IFTAP: variants seen among roughly 807,000 people sequenced by gnomAD.
IFTAP encodes intraflagellar transport associated protein, also known as intraflagellar transport-associated protein.
Under a neutral mutation model 19.4 loss-of-function variants are expected in IFTAP, and 19 were observed. The ratio of observed to expected loss-of-function variants is 0.98; its 90% CI spans 0.68 to 1.44. The LOEUF (loss-of-function observed/expected upper bound fraction) is 1.44, where lower values mean the gene tolerates loss of function less well. Ranked by LOEUF, IFTAP falls within the 40% of genes most tolerant of loss-of-function variation. The probability of loss-of-function intolerance (pLI) is 0.00; values close to 1 mark genes in which losing one functional copy is unlikely to be tolerated. For synonymous variants in IFTAP, 85 were observed against 83.5 expected (o/e 1.02, Z -0.10); for missense variants, 240 against 253.6 (o/e 0.95, Z 0.36).
Position 36,594,551 on chromosome 11 carries a change from G to T in IFTAP, c.-65G>T. 1 of 260,748 alleles carries T rather than the reference G, an allele frequency of 3.8e-6. No individual in the cohort carries two copies. The highest frequency in any genetic ancestry group is 9.4e-5 in the East Asian group (1 of 10,664). 16.2% of individuals were successfully genotyped at this position (260,748 alleles called of 1,614,324 possible). On this transcript the variant is annotated 5_prime_UTR_variant, in exon 1 of 6. In the 5' UTR this introduces an upstream ATG that the reference lacks. Coordinates refer to ENST00000334307, the MANE Select transcript of IFTAP (RefSeq NM_138787.4). ...AATCTGTCTTTGTTGCTCTGGGAGA[G>T]GGGACTCCTGGAATGTGTCTGTGAA...
chr11:36,646,848 T>C (rs114235041), intron 4 of IFTAP, among the ~76,000 whole-genome samples: 1,873 of 152,272 alleles, frequency 0.012, 32 homozygotes, highest in African/African-American at 0.043. Flanking sequence ...TTATTATTGT[T>C]TTTATTTCTG....
chr11:36,620,248 C>T (rs1852243931), intron 2 of IFTAP, among the ~76,000 whole-genome samples: 1 of 151,868 alleles, frequency 6.6e-6, no homozygotes, highest in Non-Finnish European at 1.5e-5. Context: ...TCACATAGAA[C>T]ACTGAAGGAA....
chr11:36,650,801 C>T (rs866998610), intron 5 of IFTAP, among the ~76,000 whole-genome samples: 8 of 151,838 alleles, frequency 5.3e-5, no homozygotes, highest in South Asian at 2.1e-4. Context: ...TGAGAACATG[C>T]GGTGTTTGGT....
At chr11:36,632,560 T>G (rs187461525) in intron 2 of IFTAP, among the ~76,000 whole-genome samples, 1 of 151,386 alleles carries the variant, frequency 6.6e-6, no homozygotes, top group Non-Finnish European at 1.5e-5. Flanking sequence ...GGATTACTCT[T>G]AGATGCTTTC....
At chr11:36,646,675 T>TC (rs1246708993) in intron 4 of IFTAP, among the ~76,000 whole-genome samples, 5 of 152,174 alleles carry the variant, frequency 3.3e-5, no homozygotes, top group Non-Finnish European at 5.9e-5. Context: ...GAGCATGGGC[T>TC]CTGTATGTAG....
At chr11:36,618,855 G>A (rs1590209852) in intron 2 of IFTAP, among the ~76,000 whole-genome samples, 2 of 152,138 alleles carry the variant, frequency 1.3e-5, no homozygotes, top group African/African-American at 4.8e-5. Context: ...TGGAGTCAGG[G>A]AGACTAGCTG....
chr11:36,652,727 A>G (rs1045179060), intron 5 of IFTAP, among the ~76,000 whole-genome samples: 21 of 152,140 alleles, frequency 1.4e-4, no homozygotes, highest in African/African-American at 4.8e-4. Flanking sequence ...GATACATCCC[A>G]TCAATACTTA....
At chr11:36,602,460 C>T (rs1295596829) in intron 1 of IFTAP, among the ~76,000 whole-genome samples, 1 of 152,022 alleles carries the variant, frequency 6.6e-6, no homozygotes, top group African/African-American at 2.4e-5. Context: ...ATAAAGTAAC[C>T]TTTAGTGGGA....
chr11:36,610,722 ACGTT>A (rs1851849854), intron 2 of IFTAP, among the ~76,000 whole-genome samples: 1 of 152,166 alleles, frequency 6.6e-6, no homozygotes, highest in African/African-American at 2.4e-5. Context: ...AGGTTGAGAA[ACGTT>A]AATTGAGATA....
At chr11:36,617,620 T>A (rs1852141244) in intron 2 of IFTAP, among the ~76,000 whole-genome samples, 2 of 151,992 alleles carry the variant, frequency 1.3e-5, no homozygotes, top group Admixed American at 1.3e-4. Context: ...AAATACCAGA[T>A]AATTGCTTAA....
At chr11:36,603,024 A>T (rs73437905) in intron 1 of IFTAP, among the ~76,000 whole-genome samples, 17,263 of 152,198 alleles carry the variant, frequency 0.11, 1,151 homozygotes, top group African/African-American at 0.17. Flanking sequence ...CTTTGTTTAA[A>T]AGAATTAATA....
intron 5 of IFTAP, among the ~76,000 whole-genome samples, chr11:36,654,405 A>C (rs1712235781): frequency 6.6e-6 from 1 of 152,022 alleles, no homozygotes; most frequent in African/African-American, 2.4e-5. Flanking sequence ...TTTGTTACAC[A>C]TGTATACATG....
chr11:36,610,020 A>C (rs1851819275), intron 1 of IFTAP, 61 bp from the exon 2 acceptor site: 2 of 1,473,400 alleles, frequency 1.4e-6, no homozygotes, highest in Non-Finnish European at 1.9e-6. Context: ...CCCATCCAGA[A>C]TATTTTCAAA....
intron 1 of IFTAP, among the ~76,000 whole-genome samples, chr11:36,602,643 A>G (rs1159303975): frequency 6.6e-6 from 1 of 152,160 alleles, no homozygotes; most frequent in Non-Finnish European, 1.5e-5. Context: ...CGCCGTTACT[A>G]CCCATAACTC....
Position 36,648,031 on chromosome 11 carries a change from CAGG to C in IFTAP, c.377_379del (p.Gly126del), listed in dbSNP as rs762303502. 3 of 1,612,866 alleles carry C rather than the reference CAGG, an allele frequency of 1.9e-6. No homozygotes were observed. The highest frequency in any genetic ancestry group is 2.2e-5 in the South Asian group (2 of 90,876). ...TATCCAACAGATTTGCTGCTGCTTC[CAGG>C]AGAAGTGGAGCAGGATGTAAGCACC... On this transcript the variant is annotated inframe_deletion, in exon 5 of 6. Transcript: ENST00000334307.
At position 36,620,204 on chromosome 11, in the gene IFTAP, A is replaced by G. The variant is rs192318879; in HGVS notation, c.136+9965A>G. On this transcript the variant is annotated intron_variant, in intron 2 of 5. Transcript: ENST00000334307. ...GAACATAAATTCAGTAACTATGTGT[A>G]TGTAATCTCTTTATCACAACATAAC... Among the ~76,000 whole-genome samples, 24 of 152,178 alleles carry G rather than the reference A, an allele frequency of 1.6e-4. 1 individual carries two copies. In the East Asian group the frequency reaches 4.4e-3, roughly 28 times the overall value.
intron 2 of IFTAP, among the ~76,000 whole-genome samples, chr11:36,618,145 A>G (rs1339059212): frequency 6.6e-6 from 1 of 151,998 alleles, no homozygotes; most frequent in Non-Finnish European, 1.5e-5. Flanking sequence ...TGTGCCTCCC[A>G]AATTTACATG....
chr11:36,653,879 A>C (rs747899318), intron 5 of IFTAP, among the ~76,000 whole-genome samples: 11 of 152,114 alleles, frequency 7.2e-5, no homozygotes, highest in Non-Finnish European at 1.5e-4. Context: ...TAAACAATAA[A>C]CCTCACCACT....
chr11:36,636,348 C>G (rs1852951568), intron 4 of IFTAP, among the ~76,000 whole-genome samples: 1 of 152,150 alleles, frequency 6.6e-6, no homozygotes, highest in Non-Finnish European at 1.5e-5. Flanking sequence ...GTGCTCTCCC[C>G]CTTAACAATT....
Sources: allele counts gnomAD v4.1 joint callset (sites outside exome capture counted in the v4.1 genomes callset), GRCh38; gene constraint gnomAD v4.1.1; transcripts MANE v1.5; gene names NCBI Gene and HGNC (gene_info 2026-07-23, HGNC 2026-07-21).